The following SLC4A5 variants were observed in gnomAD, a reference collection of about 807,000 sequenced individuals.
SLC4A5 encodes the protein solute carrier family 4 member 5.
SLC4A5 carries 96 observed loss-of-function variants against 120.4 expected under a neutral mutation model. The observed-to-expected ratio is 0.80, with a 90% CI of 0.68 to 0.94. The LOEUF is 0.94. Among genes scored for constraint, SLC4A5 ranks in the 40% least tolerant of loss-of-function variants. The probability of loss-of-function intolerance (pLI) is 0.00; values close to 1 mark genes in which losing one functional copy is unlikely to be tolerated. For missense variants in SLC4A5, 1,259 were observed against 1,459.5 expected (o/e 0.86, Z 2.24); for synonymous variants, 550 against 571.1 (o/e 0.96, Z 0.53).
At chr2:74,329,661 G>A (rs1673304110) in intron 4 of SLC4A5, among the ~76,000 whole-genome samples, 1 of 150,820 alleles carries the variant, frequency 6.6e-6, no homozygotes, top group Non-Finnish European at 1.5e-5. Flanking sequence ...AAATGGAGGT[G>A]TGAGGTGTAG....
intron 25 of SLC4A5, among the ~76,000 whole-genome samples, chr2:74,229,145 A>ATTCTG (rs1694968463): frequency 8.3e-6 from 1 of 120,604 alleles, no homozygotes; most frequent in South Asian, 2.8e-4. Flanking sequence ...TATGTTGGCC[A>ATTCTG]TTCTGGTCTC....
At chr2:74,264,488 A>ATGTGTGTGTG (rs1671238772) in intron 9 of SLC4A5, among the ~76,000 whole-genome samples, 189 bp from the exon 10 acceptor site, 3 of 87,934 alleles carry the variant, frequency 3.4e-5, no homozygotes, top group Admixed American at 3.2e-4. Flanking sequence ...GTTCAAGGGC[A>ATGTGTGTGTG]CGTGTGTGTG....
At chr2:74,219,963 G>A (rs944630190) in intron 30 of SLC4A5, among the ~76,000 whole-genome samples, 1 of 152,130 alleles carries the variant, frequency 6.6e-6, no homozygotes, top group African/African-American at 2.4e-5. Context: ...TGGGATAGCA[G>A]CTTTGCCTTA....
At chr2:74,232,895 G>T (rs1670142449) in intron 23 of SLC4A5, among the ~76,000 whole-genome samples, 1 of 152,180 alleles carries the variant, frequency 6.6e-6, no homozygotes, top group South Asian at 2.1e-4. Flanking sequence ...CTGGGTTTGG[G>T]TCTCTGGGGA....
At chr2:74,284,574 T>C (rs550302499) in intron 8 of SLC4A5, among the ~76,000 whole-genome samples, 20 of 152,306 alleles carry the variant, frequency 1.3e-4, no homozygotes, top group Non-Finnish European at 2.6e-4. Context: ...AGTGGCATCA[T>C]GTAAAGAAGG....
At chr2:74,250,679 T>TCATC in intron 16 of SLC4A5, 162 bp from the exon 17 acceptor site, 1 of 808,498 alleles carries the variant, frequency 1.2e-6, no homozygotes, top group Non-Finnish European at 1.9e-6. Flanking sequence ...AGGGATGAAT[T>TCATC]CCTGTAGGAC....
intron 28 of SLC4A5, among the ~76,000 whole-genome samples, chr2:74,223,370 C>T (rs1248634812): frequency 1.3e-5 from 2 of 152,174 alleles, no homozygotes; most frequent in African/African-American, 4.8e-5. Context: ...CCATTCTGTT[C>T]ACCTCTAAAC....
intron 25 of SLC4A5, among the ~76,000 whole-genome samples, chr2:74,229,103 G>GTTTTTTTTTTTTT: frequency 3.9e-4 from 1 of 2,582 alleles, no homozygotes; most frequent in South Asian, 0.014. Flanking sequence ...TTAGATTTGA[G>GTTTTTTTTTTTTT]CTTTTTTTTT....
intron 6 of SLC4A5, chr2:74,307,944 G>A: frequency 1.1e-5 from 6 of 523,164 alleles, no homozygotes; most frequent in Non-Finnish European, 1.9e-5. Flanking sequence ...GCCGTAGCTG[G>A]GTGGCTGGAC....
At chr2:74,268,640 C>T (rs567652992) in intron 8 of SLC4A5, among the ~76,000 whole-genome samples, 1 of 152,322 alleles carries the variant, frequency 6.6e-6, no homozygotes, top group South Asian at 2.1e-4. Flanking sequence ...ACTGTGTCTG[C>T]ACATTTTTAC....
intron 18 of SLC4A5, 44 bp downstream of exon 18, chr2:74,248,309 C>T: frequency 6.2e-7 from 1 of 1,607,478 alleles, no homozygotes. Flanking sequence ...GCATACTGCC[C>T]CAAATGCGAG....
intron 8 of SLC4A5, among the ~76,000 whole-genome samples, chr2:74,278,949 T>C (rs1001377239): frequency 2.0e-5 from 3 of 151,110 alleles, no homozygotes; most frequent in Admixed American, 1.3e-4. Flanking sequence ...CCACCCCACC[T>C]GTCTCCTCAA....
chr2:74,264,226 G>A (rs760493178), exon 10 of SLC4A5: 2 of 1,614,248 alleles, frequency 1.2e-6, no homozygotes, highest in South Asian at 1.1e-5. Flanking sequence ...GCCTCCTCAG[G>A]AGGACGTAAC....
intron 6 of SLC4A5, among the ~76,000 whole-genome samples, chr2:74,306,087 A>G (rs552079620): frequency 6.6e-6 from 1 of 152,318 alleles, no homozygotes; most frequent in Admixed American, 6.5e-5. Flanking sequence ...CAGAGTTGGA[A>G]TTGACAGAGC....
chr2:74,283,509 T>C (rs1283514606), intron 8 of SLC4A5, among the ~76,000 whole-genome samples: 1 of 152,212 alleles, frequency 6.6e-6, no homozygotes, highest in Non-Finnish European at 1.5e-5. Flanking sequence ...CAGTGGCTTT[T>C]CTTCCAGATA....
At chr2:74,304,665 T>G (rs1447212793) in exon 7 of SLC4A5, 3 of 1,613,318 alleles carry the variant, frequency 1.9e-6, no homozygotes, top group Non-Finnish European at 2.5e-6. Flanking sequence ...AAGCCCAATG[T>G]GGATAGGAGG....
intron 27 of SLC4A5, 82 bp downstream of exon 27, chr2:74,226,875 G>T: frequency 6.8e-7 from 1 of 1,480,910 alleles, no homozygotes; most frequent in Non-Finnish European, 9.2e-7. Flanking sequence ...GCAGAAGGTG[G>T]CAGGAGGGGA....
Position 74,222,886 on chromosome 2 carries a change from C to T in SLC4A5, c.3313G>A (p.Gly1105Ser), listed in dbSNP as rs750615240. 6.8e-6 allele frequency: 11 copies of T among 1,613,310 alleles called. No homozygotes were observed. Among genetic ancestry groups the T allele is most frequent in the South Asian group, 3.3e-5 (3 of 91,050 alleles). ...TACTTACTGGCAATGCAGTGGATAC[C>T]GTTTTGGGGATCTGATTGGACACTT... The change falls in exon 29 of 31, where the codon GGT becomes AGT. Residue 1105 changes from glycine to serine, a missense_variant. Coordinates refer to ENST00000394019, the Ensembl canonical transcript of SLC4A5.
At chr2:74,330,465 A>G (rs1441287545) in intron 4 of SLC4A5, among the ~76,000 whole-genome samples, 1,335 of 65,624 alleles carry the variant, frequency 0.02, no homozygotes, top group Middle Eastern at 0.074. Context: ...AGGTGGTGAG[A>G]TATAGGTGAG....
Sources: allele counts gnomAD v4.1 joint callset (sites outside exome capture counted in the v4.1 genomes callset), GRCh38; gene constraint gnomAD v4.1.1; transcripts MANE v1.5; gene names NCBI Gene and HGNC (gene_info 2026-07-23, HGNC 2026-07-21).